SYNDIG1L: variants seen among roughly 807,000 people sequenced by gnomAD.
SYNDIG1L encodes the protein synapse differentiation inducing 1 like, also known as synapse differentiation-inducing gene protein 1-like.
In SYNDIG1L, 13 loss-of-function variants were observed where a neutral mutation model predicts 20.1. That is an observed-to-expected ratio of 0.65 (90% CI 0.42 to 1.03). The LOEUF (loss-of-function observed/expected upper bound fraction) is 1.03, where lower values mean the gene tolerates loss of function less well. Ranked by LOEUF, SYNDIG1L falls within the 50% of genes least tolerant of loss-of-function variation. The pLI is 0.00. For missense variants in SYNDIG1L, 294 were observed against 305.1 expected (o/e 0.96, Z 0.27); for synonymous variants, 128 against 129.3 (o/e 0.99, Z 0.07).
the SYNDIG1L span, among the ~76,000 whole-genome samples, chr14:74,470,308 C>G: frequency 6.6e-6 from 1 of 152,188 alleles, no homozygotes; most frequent in Non-Finnish European, 1.5e-5. Context: ...GATGGCATCT[C>G]AAAAGCATTT....
At chr14:74,409,280 C>T in intron 2 of SYNDIG1L, 48 bp downstream of exon 2, 1 of 1,327,312 alleles carries the variant, frequency 7.5e-7, no homozygotes. Context: ...GTCGGGGTCT[C>T]CTTGTGTTGC....
chr14:74,454,420 G>A, the SYNDIG1L span, among the ~76,000 whole-genome samples: 7 of 152,162 alleles, frequency 4.6e-5, no homozygotes, highest in Non-Finnish European at 1.0e-4. Flanking sequence ...CGCAGACCCT[G>A]GCCGATGGAT....
chr14:74,466,322 C>A, the SYNDIG1L span, among the ~76,000 whole-genome samples: 1 of 152,070 alleles, frequency 6.6e-6, no homozygotes, highest in Non-Finnish European at 1.5e-5. Flanking sequence ...CACAGAACTC[C>A]ATGGATACTG....
At chr14:74,419,589 A>T (rs1452416190) in intron 1 of SYNDIG1L, among the ~76,000 whole-genome samples, 1 of 152,250 alleles carries the variant, frequency 6.6e-6, no homozygotes, top group Non-Finnish European at 1.5e-5. Flanking sequence ...CAGAAGTGGC[A>T]CCTGCTGTGA....
chr14:74,454,764 C>A, the SYNDIG1L span, among the ~76,000 whole-genome samples: 1 of 152,216 alleles, frequency 6.6e-6, no homozygotes, highest in Non-Finnish European at 1.5e-5. Flanking sequence ...GCAGAACCAT[C>A]CGACCCTTCA....
chr14:74,462,758 A>G, the SYNDIG1L span, among the ~76,000 whole-genome samples: 1 of 152,114 alleles, frequency 6.6e-6, no homozygotes, highest in Non-Finnish European at 1.5e-5. Context: ...CTCCCACCTC[A>G]GCCTCCCAAA....
At chr14:74,435,100 A>G in the SYNDIG1L span, among the ~76,000 whole-genome samples, 2 of 151,096 alleles carry the variant, frequency 1.3e-5, no homozygotes, top group Non-Finnish European at 3.0e-5. Flanking sequence ...AAAAAAAAAA[A>G]AAAAAAAAAA....
intron 1 of SYNDIG1L, among the ~76,000 whole-genome samples, chr14:74,415,534 A>G (rs564158458): frequency 5.9e-5 from 9 of 152,214 alleles, no homozygotes; most frequent in African/African-American, 2.2e-4. Context: ...GGAATATGAA[A>G]TAATAAAATT....
At chr14:74,448,118 T>C in the SYNDIG1L span, among the ~76,000 whole-genome samples, 2 of 152,034 alleles carry the variant, frequency 1.3e-5, no homozygotes, top group African/African-American at 4.8e-5. Flanking sequence ...TTGAGACAAG[T>C]AGAAAACAAA....
the SYNDIG1L span, among the ~76,000 whole-genome samples, chr14:74,443,435 C>A: frequency 6.6e-6 from 1 of 152,172 alleles, no homozygotes. Context: ...GAAGCCAAGG[C>A]CGAGGATTCA....
At chr14:74,458,977 G>GT in the SYNDIG1L span, among the ~76,000 whole-genome samples, 97 of 152,250 alleles carry the variant, frequency 6.4e-4, no homozygotes, top group African/African-American at 2.2e-3. Context: ...TGTGGGCAAT[G>GT]TGTGTGAGAG....
the SYNDIG1L span, among the ~76,000 whole-genome samples, chr14:74,448,028 C>A: frequency 1.3e-5 from 2 of 151,678 alleles, no homozygotes; most frequent in Non-Finnish European, 2.9e-5. Flanking sequence ...AATAAGCCAA[C>A]AAGGAGATAA....
chr14:74,458,817 AC>A, the SYNDIG1L span, among the ~76,000 whole-genome samples: 94 of 152,148 alleles, frequency 6.2e-4, 1 homozygote, highest in East Asian at 0.017. Flanking sequence ...GATGTGATTA[AC>A]CCCATTCTGT....
rs2086261087 is a variant in SYNDIG1L at position 74,425,907 on chromosome 14, C to T, written c.-58+5G>A. On this transcript the variant is annotated splice_donor_5th_base_variant and intron_variant, in intron 1 of 3. Coordinates refer to ENST00000331628, the MANE Select transcript of SYNDIG1L (RefSeq NM_001105579.2). The stretch of plus-strand genomic sequence containing the variant: ...CTCCCGCGGCGCCCCCAGACCGCCC[C>T]TTACCTGTCCCGCCGCGGACGGTCC... 1.3e-5 allele frequency: 2 copies of T among 152,172 alleles called. No homozygotes were observed. Among genetic ancestry groups the T allele is most frequent in the Non-Finnish European group, 2.9e-5 (2 of 68,062 alleles). 9.4% of individuals were successfully genotyped at this position (152,172 alleles called of 1,614,324 possible). A position where few individuals can be genotyped will look rare whatever the true frequency, so the allele number is the denominator to read the frequency against.
At chr14:74,408,102 C>G in intron 2 of SYNDIG1L, 113 bp from the exon 3 acceptor site, 1 of 1,316,418 alleles carries the variant, frequency 7.6e-7, no homozygotes, top group Non-Finnish European at 1.0e-6. Context: ...GAGCAACAAG[C>G]AGTCTCTTCT....
At chr14:74,434,530 G>T in the SYNDIG1L span, among the ~76,000 whole-genome samples, 1 of 152,050 alleles carries the variant, frequency 6.6e-6, no homozygotes, top group Admixed American at 6.5e-5. Flanking sequence ...GGGAGAAAGA[G>T]GTGGCAGAGG....
At chr14:74,415,390 G>A (rs2086166559) in intron 1 of SYNDIG1L, among the ~76,000 whole-genome samples, 1 of 152,156 alleles carries the variant, frequency 6.6e-6, no homozygotes, top group African/African-American at 2.4e-5. Flanking sequence ...ATTCTGGGGT[G>A]GGGCCTGGGA....
the SYNDIG1L span, among the ~76,000 whole-genome samples, chr14:74,438,806 G>A: frequency 1.2e-4 from 18 of 152,268 alleles, no homozygotes; most frequent in South Asian, 3.7e-3. Flanking sequence ...TCTGTACAAA[G>A]TACTTGACAT....
chr14:74,480,051 G>T, the SYNDIG1L span: 4 of 1,509,830 alleles, frequency 2.6e-6, no homozygotes, highest in Non-Finnish European at 3.5e-6. Flanking sequence ...TGCTAACCAA[G>T]TGCTGCATTT....
Sources: allele counts gnomAD v4.1 joint callset (sites outside exome capture counted in the v4.1 genomes callset), GRCh38; gene constraint gnomAD v4.1.1; transcripts MANE v1.5; gene names NCBI Gene and HGNC (gene_info 2026-07-23, HGNC 2026-07-21).